The following MVD variants were observed in gnomAD, a reference collection of about 807,000 sequenced individuals.
MVD encodes diphosphomevalonate decarboxylase.
Under a neutral mutation model 42.4 loss-of-function variants are expected in MVD, and 52 were observed. The observed-to-expected ratio is 1.23, with a 90% CI of 0.98 to 1.55. The LOEUF (loss-of-function observed/expected upper bound fraction) is 1.55. MVD is among the 40% of genes most tolerant of loss of function. The pLI, the probability that MVD is intolerant of heterozygous loss-of-function variation, is 0.00. For synonymous variants in MVD, 287 were observed against 243.2 expected (o/e 1.18, Z -1.68); for missense variants, 663 against 572.1 (o/e 1.16, Z -1.62).
chr16:88,658,246 T>C (rs991544324), intron 2 of MVD, among the ~76,000 whole-genome samples: 1 of 152,034 alleles, frequency 6.6e-6, no homozygotes, highest in Non-Finnish European at 1.5e-5. Context: ...GGCCTTATCC[T>C]GAATAAAGAG....
chr16:88,657,989 G>GTGAAGTCCT lies in MVD; in HGVS notation c.173_181dup (p.Lys58_Phe60dup). 6.2e-7 allele frequency: 1 copy of GTGAAGTCCT among 1,614,080 alleles called. No homozygotes were observed. The highest frequency in any genetic ancestry group is 1.1e-5 in the South Asian group (1 of 91,092). On this transcript the variant is annotated inframe_insertion, in exon 3 of 10. Transcript: ENST00000301012. Reference sequence around the variant, plus strand: ...GCCATTCAGCCAAATCCGGTCCTCGGTGAAGTCCTTGCTGATGACGGCTGT... The same window carrying GTGAAGTCCT: ...GCCATTCAGCCAAATCCGGTCCTCGGTGAAGTCCTTGAAGTCCTTGCTGATGACGGCTGT...
intron 1 of MVD, 78 bp from the exon 2 acceptor site, chr16:88,658,798 C>G: frequency 9.7e-7 from 1 of 1,030,368 alleles, no homozygotes. Flanking sequence ...GTGCCCCCAC[C>G]CCCCACCCAC....
At chr16:88,658,989 G>T in intron 1 of MVD, 3 of 474,930 alleles carry the variant, frequency 6.3e-6, no homozygotes, top group Non-Finnish European at 1.2e-5. Flanking sequence ...TCCAGCATCC[G>T]TGAGTGCCCA....
intron 4 of MVD, chr16:88,656,651 G>A (rs1907948548): frequency 2.5e-6 from 1 of 398,198 alleles, no homozygotes; most frequent in Non-Finnish European, 4.7e-6. Context: ...GGAATTTTAA[G>A]GCTGTGTGGG....
chr16:88,656,394 A>C, intron 4 of MVD, 90 bp from the exon 5 acceptor site: 1 of 1,370,496 alleles, frequency 7.3e-7, no homozygotes, highest in Non-Finnish European at 1.0e-6. Flanking sequence ...CCCACACCCC[A>C]CGGCAAATGG....
rs754868962 is a variant in MVD, at chr16:88,658,009, G to A, written c.162C>T (p.Ala54=). ...HQDQLKTTTT[A]VISKDFTEDR... The stretch of plus-strand genomic sequence containing the variant: ...CCTCGGTGAAGTCCTTGCTGATGAC[G>A]GCTGTTGTGGTGGTTTTTAACTGAA... Residue 54 remains alanine (A), a synonymous_variant, in exon 3 of 10, where the codon GCC becomes GCT. Coordinates refer to ENST00000301012, the MANE Select transcript of MVD (RefSeq NM_002461.3). 15 of 1,613,962 alleles carry A rather than the reference G, an allele frequency of 9.3e-6. No homozygotes were observed. Among genetic ancestry groups the A allele is most frequent in the East Asian group, 2.2e-5 (1 of 44,900 alleles).
At chr16:88,654,251 C>T (rs1316202863) in intron 8 of MVD, among the ~76,000 whole-genome samples, 2 of 152,170 alleles carry the variant, frequency 1.3e-5, no homozygotes, top group South Asian at 2.1e-4. Context: ...ACCCAACTGC[C>T]GGGGCGGGGT....
chr16:88,659,013 C>T, intron 1 of MVD: 1 of 422,968 alleles, frequency 2.4e-6, no homozygotes, highest in South Asian at 2.3e-5. Context: ...GCGGATCGCT[C>T]CCACCGCGGC....
In MVD at chr16:88,652,456, C is replaced by A; in HGVS notation, c.*69G>T. The A allele has an allele frequency of 5.3e-6, 8 of 1,513,362 alleles. No homozygotes were observed. Among genetic ancestry groups the A allele is most frequent in the Non-Finnish European group, 7.2e-6 (8 of 1,114,404 alleles). 93.7% of individuals were successfully genotyped at this position (1,513,362 alleles called of 1,614,324 possible). On this transcript the variant is annotated 3_prime_UTR_variant, in exon 10 of 10. Transcript: ENST00000301012. The stretch of plus-strand genomic sequence containing the variant: ...ATGTCCCAGGAGTCCGGCCAGCCCA[C>A]CACATCCGCTCCCTAGCTCCGGCGA...
At position 88,656,897 on chromosome 16, in the gene MVD, G is replaced by A. The variant is rs1447422731; in HGVS notation, c.403+539C>T. The A allele has an allele frequency of 1.3e-5, 4 of 300,812 alleles. No homozygotes were observed. In the Admixed American group the frequency reaches 1.9e-4, roughly 14 times the overall value. 18.6% of individuals were successfully genotyped at this position (300,812 alleles called of 1,614,324 possible). A position where few individuals can be genotyped will look rare whatever the true frequency, so the allele number is the denominator to read the frequency against. On this transcript the variant is annotated intron_variant, in intron 4 of 9. Transcript: ENST00000301012. The stretch of plus-strand genomic sequence containing the variant: ...TGAAGATGGTGTGAGACCACCACCG[G>A]GGGGACAGGCTCTGACAGTGGGTGG...
At chr16:88,661,223 A>G (rs982920978) in intron 1 of MVD, among the ~76,000 whole-genome samples, 8 of 152,174 alleles carry the variant, frequency 5.3e-5, no homozygotes, top group Non-Finnish European at 7.3e-5. Flanking sequence ...TCTTCAGGAC[A>G]TAGGGCTAAG....
chr16:88,658,094 C>T, intron 2 of MVD, 65 bp from the exon 3 acceptor site: 1 of 1,506,862 alleles, frequency 6.6e-7, no homozygotes, highest in Non-Finnish European at 9.2e-7. Flanking sequence ...CCAGGTACCC[C>T]TTTCTACTGA....
chr16:88,654,582 C>G, intron 8 of MVD, 110 bp downstream of exon 8: 1 of 1,096,570 alleles, frequency 9.1e-7, no homozygotes, highest in Non-Finnish European at 1.3e-6. Context: ...CTGCTGCCTG[C>G]CCTGGGACTC....
At position 88,654,035 on chromosome 16, in the gene MVD, G is replaced by A. The variant is rs960539861; in HGVS notation, c.1014-627C>T. Among the ~76,000 whole-genome samples the A allele has an allele frequency of 2.6e-5, 4 of 152,086 alleles. No homozygotes were observed. In the South Asian group the frequency reaches 6.2e-4, roughly 24 times the overall value. Reference sequence around the variant, plus strand: ...TGAGAATAAGACACCATGAAAACACGGGAGGGAAGAAATCAACAGCCCCGG... The same window carrying A: ...TGAGAATAAGACACCATGAAAACACAGGAGGGAAGAAATCAACAGCCCCGG... On this transcript the variant is annotated intron_variant, in intron 8 of 9. Transcript: ENST00000301012.
intron 7 of MVD, 187 bp downstream of exon 7, chr16:88,655,012 C>G (rs894935908): frequency 3.3e-6 from 3 of 902,732 alleles, no homozygotes; most frequent in East Asian, 2.6e-5. Context: ...GGGCCGTGAC[C>G]CGGGCAAGTC....
intron 8 of MVD, among the ~76,000 whole-genome samples, chr16:88,654,489 C>A (rs893479686): frequency 1.3e-5 from 2 of 152,206 alleles, no homozygotes; most frequent in African/African-American, 4.8e-5. Flanking sequence ...CACGCGTGAG[C>A]GGCCTCTCTT....
Position 88,653,325 on chromosome 16 carries a change from C to T in MVD, c.1097G>A (p.Gly366Glu). ...CTGAGTGACAATGATGTATTTGACCCCACCGGGGGTCGGCTCCATGGCCAG... is the reference window on the plus strand; with the variant it reads ...CTGAGTGACAATGATGTATTTGACCTCACCGGGGGTCGGCTCCATGGCCAG... Reference protein sequence around the residue: ...AALAMEPTPGGVKYIIVTQVG... With the variant: ...AALAMEPTPGEVKYIIVTQVG... Residue 366 changes from glycine to glutamate, a missense_variant, in exon 9 of 10, where the codon GGG (glycine) becomes GAG (glutamate). Transcript: ENST00000301012. The T allele has an allele frequency of 1.2e-6, 2 of 1,600,434 alleles. No homozygotes were observed. Among genetic ancestry groups the T allele is most frequent in the Non-Finnish European group, 1.7e-6 (2 of 1,176,436 alleles).
intron 4 of MVD, 196 bp from the exon 5 acceptor site, chr16:88,656,500 C>T (rs545302055): frequency 2.2e-5 from 14 of 622,810 alleles, no homozygotes; most frequent in South Asian, 1.2e-4. Flanking sequence ...GTTCCACTCT[C>T]GGACACTCTC....
At chr16:88,657,332 C>T in intron 4 of MVD, 104 bp downstream of exon 4, 1 of 1,468,198 alleles carries the variant, frequency 6.8e-7, no homozygotes, top group Non-Finnish European at 9.2e-7. Context: ...TGAGGGGATG[C>T]TCTTTTAGCC....
Sources: gnomAD v4.1 joint callset for allele counts (sites outside exome capture counted in the v4.1 genomes callset) on GRCh38, gnomAD v4.1.1 for gene constraint, MANE v1.5 for transcripts, NCBI Gene and HGNC (gene_info 2026-07-23, HGNC 2026-07-21) for gene names.